The following SIK3 variants were observed in gnomAD, a reference collection of about 807,000 sequenced individuals.
SIK3 encodes the protein SIK family kinase 3, also known as serine/threonine-protein kinase SIK3.
SIK3 carries 28 observed loss-of-function variants against 144.2 expected under a neutral mutation model. That is an observed-to-expected ratio of 0.19 (90% CI 0.14 to 0.27). SIK3 has a LOEUF of 0.27. Among genes scored for constraint, SIK3 ranks in the 10% least tolerant of loss-of-function variants. The probability of loss-of-function intolerance (pLI) is 1.00; values close to 1 mark genes in which losing one functional copy is unlikely to be tolerated. For missense variants in SIK3, 1,319 were observed against 1,776.0 expected, an observed-to-expected ratio of 0.74 and a Z score of 4.62; for synonymous variants, 686 against 676.3, an observed-to-expected ratio of 1.01 and a Z score of -0.22.
rs187894499 is a variant in SIK3 at position 117,072,215 on chromosome 11, C to G, written c.273+25928G>C. On this transcript the variant is annotated intron_variant, in intron 1 of 24. Transcript: ENST00000445177. Reference sequence around the variant, plus strand: ...CCAGCCTGGCCAACATGGCAAAACCCCATCTCCACAAAAAATACAAAAATT... The same window carrying G: ...CCAGCCTGGCCAACATGGCAAAACCGCATCTCCACAAAAAATACAAAAATT... Among the ~76,000 whole-genome samples, 3 of 152,042 alleles carry G rather than the reference C, an allele frequency of 2.0e-5. No individual in the cohort carries two copies. The East Asian group carries it at 5.8e-4, about 29-fold the overall frequency.
chr11:116,983,036 C>G (rs1364713105), intron 1 of SIK3, among the ~76,000 whole-genome samples: 1 of 149,918 alleles, frequency 6.7e-6, no homozygotes, highest in East Asian at 2.0e-4. Flanking sequence ...AATTACTCAT[C>G]ATTCATCTTA....
intron 1 of SIK3, among the ~76,000 whole-genome samples, chr11:117,029,186 G>A (rs148004834): frequency 6.6e-6 from 1 of 152,126 alleles, no homozygotes; most frequent in African/African-American, 2.4e-5. Flanking sequence ...TGGGATTACA[G>A]GTGTGACCCA....
chr11:116,942,805 T>C (rs1050779580), intron 3 of SIK3, among the ~76,000 whole-genome samples: 1 of 152,108 alleles, frequency 6.6e-6, no homozygotes, highest in African/African-American at 2.4e-5. Context: ...GAGACCAAAT[T>C]ATATAATCTT....
chr11:117,075,001 C>A (rs1954446844), intron 1 of SIK3, among the ~76,000 whole-genome samples: 1 of 151,300 alleles, frequency 6.6e-6, no homozygotes, highest in South Asian at 2.1e-4. Context: ...TGGAATACCA[C>A]GTAGCTTTTT....
intron 1 of SIK3, among the ~76,000 whole-genome samples, chr11:117,037,230 T>G (rs1181491978): frequency 6.6e-6 from 1 of 152,134 alleles, no homozygotes. Context: ...ATGAAAAATC[T>G]AAAAGATTCT....
Position 117,081,610 on chromosome 11 carries a change from C to A in SIK3, c.273+16533G>T, listed in dbSNP as rs540218027. On this transcript the variant is annotated intron_variant, in intron 1 of 24. Coordinates refer to ENST00000445177, the MANE Select transcript of SIK3 (RefSeq NM_001366686.3). ...CTGCACTCCAGCGTGGGCGACAGAG[C>A]GAGACTCCGTCTCAAAATAAATAAA... 7.9e-5 allele frequency among the ~76,000 whole-genome samples: 12 copies of A among 152,156 alleles called. No homozygotes were observed. In the South Asian group the frequency reaches 2.3e-3, roughly 29 times the overall value.
At chr11:117,013,325 C>T (rs1340677503) in intron 1 of SIK3, among the ~76,000 whole-genome samples, 1 of 151,962 alleles carries the variant, frequency 6.6e-6, no homozygotes, top group Non-Finnish European at 1.5e-5. Context: ...ACCTCGTCTC[C>T]ACTAAAAGTA....
intron 1 of SIK3, among the ~76,000 whole-genome samples, chr11:117,041,368 A>G (rs1251450197): frequency 6.6e-6 from 1 of 152,174 alleles, no homozygotes; most frequent in Admixed American, 6.5e-5. Flanking sequence ...ACCCTCATCT[A>G]GCCCTTCAGG....
chr11:117,062,016 A>ATT (rs531727500), intron 1 of SIK3, among the ~76,000 whole-genome samples: 8 of 147,782 alleles, frequency 5.4e-5, no homozygotes, highest in African/African-American at 1.5e-4. Context: ...TTGGGTATAG[A>ATT]TTTTTTTTTT....
At chr11:116,947,850 C>T (rs1948749024) in intron 3 of SIK3, among the ~76,000 whole-genome samples, 1 of 151,952 alleles carries the variant, frequency 6.6e-6, no homozygotes, top group African/African-American at 2.4e-5. Flanking sequence ...AGGCATGAGC[C>T]ACCGTGCCTG....
chr11:116,866,555 C>T (rs986136471), intron 15 of SIK3, among the ~76,000 whole-genome samples: 3 of 152,128 alleles, frequency 2.0e-5, no homozygotes, highest in Non-Finnish European at 4.4e-5. Context: ...AATTCTCCTG[C>T]CTTAGCTTCC....
intron 1 of SIK3, among the ~76,000 whole-genome samples, chr11:116,984,837 A>G (rs1268922888): frequency 6.6e-6 from 1 of 152,196 alleles, no homozygotes; most frequent in Non-Finnish European, 1.5e-5. Context: ...TTTTGGATAC[A>G]AAACTTAGAT....
chr11:116,925,819 G>C (rs1195515698), intron 4 of SIK3, among the ~76,000 whole-genome samples: 1 of 152,142 alleles, frequency 6.6e-6, no homozygotes. Context: ...ACCGACATGA[G>C]AGCAAAGGAA....
At chr11:117,020,902 T>C (rs1490735527) in intron 1 of SIK3, among the ~76,000 whole-genome samples, 1 of 152,220 alleles carries the variant, frequency 6.6e-6, no homozygotes, top group Non-Finnish European at 1.5e-5. Flanking sequence ...AACCAGTTTA[T>C]AGCCAGCAGG....
chr11:116,935,087 AAAAC>A (rs1391715695), intron 3 of SIK3, among the ~76,000 whole-genome samples: 6 of 151,910 alleles, frequency 3.9e-5, no homozygotes, highest in African/African-American at 1.2e-4. Flanking sequence ...CCAGTCTCAG[AAAAC>A]AAACAAACAA....
At chr11:116,965,967 G>A (rs1949534349) in intron 1 of SIK3, among the ~76,000 whole-genome samples, 1 of 150,194 alleles carries the variant, frequency 6.7e-6, no homozygotes. Context: ...AGGAAAGAAG[G>A]AGGACAGAAA....
At chr11:116,864,807 T>C (rs1408704527) in intron 15 of SIK3, 2 of 152,244 alleles carry the variant, frequency 1.3e-5, no homozygotes, top group African/African-American at 4.8e-5. Flanking sequence ...CAGTGATTCA[T>C]TTGGGACTGA....
At chr11:117,071,886 C>G (rs998433542) in intron 1 of SIK3, among the ~76,000 whole-genome samples, 1 of 149,562 alleles carries the variant, frequency 6.7e-6, no homozygotes, top group African/African-American at 2.5e-5. Context: ...TCCAAAGTAC[C>G]GGGATTACAG....
intron 1 of SIK3, among the ~76,000 whole-genome samples, chr11:117,024,615 T>C (rs1033749530): frequency 4.6e-5 from 7 of 152,022 alleles, no homozygotes; most frequent in African/African-American, 1.7e-4. Flanking sequence ...TTAAAAACCA[T>C]CTGGCTGGGC....
Sources: allele counts gnomAD v4.1 joint callset (sites outside exome capture counted in the v4.1 genomes callset), GRCh38; gene constraint gnomAD v4.1.1; transcripts MANE v1.5; gene names NCBI Gene and HGNC (gene_info 2026-07-23, HGNC 2026-07-21).